The following ACVR1 variants were observed in gnomAD, a reference collection of about 807,000 sequenced individuals.
ACVR1 encodes activin A receptor type 1, also known as activin receptor type-1.
In ACVR1, 38 loss-of-function variants were observed where a neutral mutation model predicts 57.1. The ratio of observed to expected loss-of-function variants is 0.67; its 90% CI spans 0.51 to 0.87. ACVR1 has a LOEUF of 0.87. ACVR1 is among the 40% of genes least tolerant of loss of function. The pLI is 0.00. For missense variants in ACVR1, 463 were observed against 638.2 expected (o/e 0.73, Z 2.96); for synonymous variants, 212 against 228.1 (o/e 0.93, Z 0.63).
rs386391595 is a variant in ACVR1, at chr2:157,819,077, C to CA, written c.-182-519dup. On this transcript the variant is annotated intron_variant, in intron 1 of 10. Transcript: ENST00000434821. The stretch of plus-strand genomic sequence containing the variant: ...TGGGTGACAGAGCGAGACTCCGTCT[C>CA]AAAAAAAAAAAAAAAAAAAAAAAAA... Among the ~76,000 whole-genome samples, 572 of 59,188 alleles carry CA rather than the reference C, an allele frequency of 9.7e-3. 37 individuals carry two copies. Among genetic ancestry groups the CA allele is most frequent in the African/African-American group, 0.02 (260 of 12,740 alleles). The allele number at this position is 59,188 out of a possible 152,430, so 38.8% of individuals were successfully genotyped here. A position where few individuals can be genotyped will look rare whatever the true frequency, so the allele number is the denominator to read the frequency against.
intron 4 of ACVR1, 118 bp downstream of exon 4, chr2:157,780,219 G>T: frequency 6.9e-7 from 1 of 1,439,962 alleles, no homozygotes; most frequent in Non-Finnish European, 9.6e-7. Flanking sequence ...GTAGCTCTTC[G>T]CCTCTGATTC....
intron 2 of ACVR1, among the ~76,000 whole-genome samples, chr2:157,817,413 T>C (rs1687977391): frequency 6.6e-6 from 1 of 152,178 alleles, no homozygotes; most frequent in South Asian, 2.1e-4. Context: ...CACGGAGATC[T>C]TTAGGGCACT....
intron 9 of ACVR1, among the ~76,000 whole-genome samples, chr2:157,739,176 T>C (rs1043114998): frequency 2.9e-4 from 44 of 152,348 alleles, no homozygotes; most frequent in African/African-American, 9.1e-4. Flanking sequence ...ATGTACTGAG[T>C]ACCCTCTAAC....
chr2:157,741,166 T>C (rs1684745207), intron 9 of ACVR1, among the ~76,000 whole-genome samples: 1 of 152,012 alleles, frequency 6.6e-6, no homozygotes, highest in Admixed American at 6.5e-5. Context: ...CCTGAGACAA[T>C]GGAAATCTTG....
At chr2:157,773,344 C>T (rs1233037776) in intron 6 of ACVR1, among the ~76,000 whole-genome samples, 1 of 152,154 alleles carries the variant, frequency 6.6e-6, no homozygotes, top group African/African-American at 2.4e-5. Context: ...CCAGGAACCC[C>T]CAGTTCCTGG....
intron 2 of ACVR1, among the ~76,000 whole-genome samples, chr2:157,809,002 T>C (rs1328919808): frequency 6.6e-6 from 1 of 152,200 alleles, no homozygotes; most frequent in Non-Finnish European, 1.5e-5. Flanking sequence ...CCCTGGTCTT[T>C]ACAAAAAGGA....
intron 1 of ACVR1, among the ~76,000 whole-genome samples, chr2:157,830,757 T>G (rs995986905): frequency 2.0e-5 from 3 of 151,518 alleles, no homozygotes; most frequent in Non-Finnish European, 4.4e-5. Context: ...AAAAATGTAA[T>G]TTTTTCCCAG....
chr2:157,864,685 T>C (rs2105381767), intron 1 of ACVR1, among the ~76,000 whole-genome samples: 2 of 152,314 alleles, frequency 1.3e-5, no homozygotes, highest in South Asian at 4.1e-4. Context: ...TTACAAAATA[T>C]CAAAAGCTCA....
At chr2:157,814,403 T>C (rs551788198) in intron 2 of ACVR1, among the ~76,000 whole-genome samples, 13 of 152,144 alleles carry the variant, frequency 8.5e-5, no homozygotes, top group African/African-American at 2.9e-4. Context: ...CTAAGAAAAA[T>C]GCAAATTAAA....
chr2:157,784,288 A>G (rs568504550), intron 3 of ACVR1, among the ~76,000 whole-genome samples: 1 of 152,200 alleles, frequency 6.6e-6, no homozygotes, highest in Non-Finnish European at 1.5e-5. Context: ...TGATATAAAT[A>G]CAGTACACAT....
At chr2:157,866,325 A>G (rs1221207420) in intron 1 of ACVR1, among the ~76,000 whole-genome samples, 1 of 152,174 alleles carries the variant, frequency 6.6e-6, no homozygotes, top group Non-Finnish European at 1.5e-5. Flanking sequence ...TCCTAAAACA[A>G]TAAGACTTTT....
chr2:157,858,854 A>T (rs994674772), intron 1 of ACVR1, among the ~76,000 whole-genome samples: 3 of 152,086 alleles, frequency 2.0e-5, no homozygotes, highest in African/African-American at 7.2e-5. Flanking sequence ...CCTGGCCTAA[A>T]GCAATCCTCC....
At chr2:157,851,898 CACACACACA>C (rs1253696779) in intron 1 of ACVR1, among the ~76,000 whole-genome samples, 19,642 of 102,750 alleles carry the variant, frequency 0.19, 3,460 homozygotes, top group African/African-American at 0.4. Context: ...CACACACACA[CACACACACA>C]CACCACCCCC....
At chr2:157,739,495 A>G (rs990637208) in intron 9 of ACVR1, among the ~76,000 whole-genome samples, 2 of 152,208 alleles carry the variant, frequency 1.3e-5, no homozygotes, top group African/African-American at 2.4e-5. Flanking sequence ...TAAAACCAAG[A>G]CATCTATTAT....
chr2:157,772,561 G>T (rs2105269217), intron 6 of ACVR1, among the ~76,000 whole-genome samples: 1 of 152,266 alleles, frequency 6.6e-6, no homozygotes, highest in South Asian at 2.1e-4. Flanking sequence ...TACTTTAAAG[G>T]TGCATTACTA....
intron 1 of ACVR1, among the ~76,000 whole-genome samples, chr2:157,871,564 C>T (rs1690114489): frequency 6.6e-6 from 1 of 152,156 alleles, no homozygotes; most frequent in Non-Finnish European, 1.5e-5. Context: ...AGGCCAAATA[C>T]CCAGAGTCAA....
chr2:157,738,532 C>G lies in ACVR1; in HGVS notation c.1303G>C (p.Val435Leu). The change falls in exon 10 of 11, where the codon GTT (valine) becomes CTT (leucine). Residue 435 changes from valine to leucine, a missense_variant. Coordinates refer to ENST00000434821, the MANE Select transcript of ACVR1 (RefSeq NM_001111067.4). The part of the protein sequence containing the change: ...EDYKPPFYDV[V>L]PNDPSFEDMR... ...TCTTCAAAACTTGGGTCATTGGGAA[C>G]CACATCGTAGAACGGTGGCTTGTAA... 11 of 1,614,132 alleles carry G rather than the reference C, an allele frequency of 6.8e-6. No individual in the cohort carries two copies. The highest frequency in any genetic ancestry group is 9.3e-6 in the Non-Finnish European group (11 of 1,179,996).
In ACVR1 at chr2:157,867,773, C is replaced by G. The variant is rs3738925; in HGVS notation, c.-183+8023G>C. Among the ~76,000 whole-genome samples the G allele has an allele frequency of 6.6e-5, 10 of 152,014 alleles. No individual in the cohort carries two copies. In the East Asian group the frequency reaches 1.9e-3, roughly 29 times the overall value. On this transcript the variant is annotated intron_variant, in intron 1 of 10. Transcript: ENST00000434821. ...AGACCACCAGTTTTCAACCTCTGCTCTGGTGCACTGATGGTGATGTGGGAA... is the reference window on the plus strand; with the variant it reads ...AGACCACCAGTTTTCAACCTCTGCTGTGGTGCACTGATGGTGATGTGGGAA...
rs142880101 is a variant in ACVR1, at chr2:157,861,536, T to C, written c.-183+14260A>G. Among the ~76,000 whole-genome samples, 1,253 of 152,310 alleles carry C rather than the reference T, an allele frequency of 8.2e-3. 11 individuals carry two copies. The highest frequency in any genetic ancestry group is 0.029 in the Admixed American group (447 of 15,292). ...AAAAATAAAATAAAATTCCCAGGTT[T>C]CTTGACATGAAAACTAAATCCAGGT... On this transcript the variant is annotated intron_variant, in intron 1 of 10. Coordinates refer to ENST00000434821, the MANE Select transcript of ACVR1 (RefSeq NM_001111067.4).
Sources: gnomAD v4.1 joint callset for allele counts (sites outside exome capture counted in the v4.1 genomes callset) on GRCh38, gnomAD v4.1.1 for gene constraint, MANE v1.5 for transcripts, NCBI Gene and HGNC (gene_info 2026-07-23, HGNC 2026-07-21) for gene names.